PSD3: variants seen among roughly 807,000 people sequenced by gnomAD.
PSD3 encodes pleckstrin and Sec7 domain containing 3, also known as PH and SEC7 domain-containing protein 3.
PSD3 carries 49 observed loss-of-function variants against 105.5 expected under a neutral mutation model. That is an observed-to-expected ratio of 0.46 (90% CI 0.37 to 0.59). The LOEUF (loss-of-function observed/expected upper bound fraction) is 0.59, where lower values mean the gene tolerates loss of function less well. Ranked by LOEUF, PSD3 falls within the 20% of genes least tolerant of loss-of-function variation. PSD3 has a pLI of 0.00. For missense variants in PSD3, 1,561 were observed against 1,263.8 expected, an observed-to-expected ratio of 1.24 and a Z score of -3.57; for synonymous variants, 557 against 457.8, an observed-to-expected ratio of 1.22 and a Z score of -2.77.
chr8:18,549,940 T>C, intron 15 of PSD3, among the ~76,000 whole-genome samples: 1 of 152,222 alleles, frequency 6.6e-6, no homozygotes, highest in East Asian at 1.9e-4. Flanking sequence ...ATCTCATTTC[T>C]ATGACGAGGA....
At chr8:19,012,593 A>G (rs1308106282) in intron 1 of PSD3, among the ~76,000 whole-genome samples, 2 of 152,110 alleles carry the variant, frequency 1.3e-5, no homozygotes, top group African/African-American at 2.4e-5. Flanking sequence ...GAGATCCTCC[A>G]TGGTAGCCTA....
chr8:18,732,175 C>T (rs572634728), intron 9 of PSD3, among the ~76,000 whole-genome samples: 1 of 151,918 alleles, frequency 6.6e-6, no homozygotes. Context: ...CCTCCTCCCC[C>T]CCGAAAAAAA....
chr8:18,613,283 A>T (rs1805407789), intron 11 of PSD3, among the ~76,000 whole-genome samples: 1 of 152,080 alleles, frequency 6.6e-6, no homozygotes, highest in Non-Finnish European at 1.5e-5. Context: ...CTTTCTGAAT[A>T]ACGCCCATCT....
chr8:19,079,474 T>A (rs1002289269), intron 1 of PSD3, among the ~76,000 whole-genome samples: 1 of 152,212 alleles, frequency 6.6e-6, no homozygotes. Flanking sequence ...AGAATTAATA[T>A]AAAGACAGAA....
chr8:18,645,573 T>A (rs1195941555), intron 10 of PSD3, among the ~76,000 whole-genome samples: 1 of 152,218 alleles, frequency 6.6e-6, no homozygotes, highest in African/African-American at 2.4e-5. Flanking sequence ...TTATTCTTCG[T>A]ATAGATTGTC....
Position 18,804,845 on chromosome 8 carries a change from G to T in PSD3, c.1688C>A (p.Thr563Asn), listed in dbSNP as rs142032665. 1.2e-6 allele frequency: 2 copies of T among 1,613,358 alleles called. No homozygotes were observed. The highest frequency in any genetic ancestry group is 1.7e-6 in the Non-Finnish European group (2 of 1,179,498). ...RLEAHSEMGS[T>N]EILEKETPEN... Reference sequence around the variant, plus strand: ...TGGGGTCTCCTTTTCCAAAATTTCAGTGCTCCCCATTTCAGAATGAGCTTC... The same window carrying T: ...TGGGGTCTCCTTTTCCAAAATTTCATTGCTCCCCATTTCAGAATGAGCTTC... The change falls in exon 5 of 16, where the codon ACT becomes AAT. Residue 563 changes from threonine (T) to asparagine (N), a missense_variant. By Grantham distance (65) the Thr-to-Asn change is moderately conservative. Transcript: ENST00000327040.
intron 11 of PSD3, among the ~76,000 whole-genome samples, chr8:18,630,302 G>C (rs554938494): frequency 7.2e-5 from 11 of 152,038 alleles, no homozygotes; most frequent in African/African-American, 2.4e-4. Flanking sequence ...TTCTAGCCTG[G>C]TACAAGGTGT....
chr8:18,746,002 C>A (rs894859955), intron 9 of PSD3, among the ~76,000 whole-genome samples: 1 of 152,234 alleles, frequency 6.6e-6, no homozygotes, highest in African/African-American at 2.4e-5. Context: ...AGGTCCCCTG[C>A]AAAATCCTAC....
Position 18,949,250 on chromosome 8 carries a change from T to TAA in PSD3, c.22-13109_22-13108insTT, listed in dbSNP as rs1554550622. On this transcript the variant is annotated intron_variant, in intron 1 of 15. Coordinates refer to ENST00000327040, the MANE Select transcript of PSD3 (RefSeq NM_015310.4). ...AAAAAAAAAAAAAAAAAAAAATATA[T>TAA]ATATATATATATATATATATATATA... 1.5e-4 allele frequency among the ~76,000 whole-genome samples: 8 copies of TAA among 51,776 alleles called. 1 individual carries two copies. The highest frequency in any genetic ancestry group is 2.9e-4 in the Non-Finnish European group (8 of 27,344). 34.0% of individuals were successfully genotyped at this position (51,776 alleles called of 152,430 possible).
At chr8:18,991,355 CACACACACACACACACAT>C (rs757217085) in intron 1 of PSD3, among the ~76,000 whole-genome samples, 14,927 of 68,064 alleles carry the variant, frequency 0.22, 878 homozygotes, top group Non-Finnish European at 0.27. Flanking sequence ...CACACACATA[CACACACACACACACACAT>C]ACACACACAC....
chr8:18,953,836 A>G (rs1167967210), intron 1 of PSD3, among the ~76,000 whole-genome samples: 9 of 152,230 alleles, frequency 5.9e-5, no homozygotes, highest in Admixed American at 5.9e-4. Context: ...AAACTCGCAT[A>G]TACTGACATG....
chr8:18,694,464 G>C (rs1365834169), intron 9 of PSD3, among the ~76,000 whole-genome samples: 1 of 152,164 alleles, frequency 6.6e-6, no homozygotes, highest in African/African-American at 2.4e-5. Flanking sequence ...CAAAAAATTA[G>C]CCGGGCGTGG....
At chr8:19,003,854 T>A (rs1563501896) in intron 1 of PSD3, among the ~76,000 whole-genome samples, 1 of 151,948 alleles carries the variant, frequency 6.6e-6, no homozygotes. Flanking sequence ...TGGCGAGGGA[T>A]GTTTGTCAAC....
chr8:18,925,906 TA>T (rs1821331924), intron 2 of PSD3, among the ~76,000 whole-genome samples: 1 of 152,162 alleles, frequency 6.6e-6, no homozygotes, highest in South Asian at 2.1e-4. Flanking sequence ...CTTATCTTTT[TA>T]AAAAAATTTT....
chr8:18,695,786 T>C (rs1446208250), intron 9 of PSD3, among the ~76,000 whole-genome samples: 1 of 152,214 alleles, frequency 6.6e-6, no homozygotes, highest in Non-Finnish European at 1.5e-5. Context: ...GACTACACTC[T>C]AGAAAGACCA....
intron 12 of PSD3, among the ~76,000 whole-genome samples, chr8:18,586,240 G>A (rs925681729): frequency 6.6e-6 from 1 of 152,136 alleles, no homozygotes. Context: ...TAGTGAAAGA[G>A]GTTGAGCGAA....
chr8:18,703,442 C>T (rs1031326169), intron 9 of PSD3, among the ~76,000 whole-genome samples: 1 of 152,182 alleles, frequency 6.6e-6, no homozygotes, highest in Non-Finnish European at 1.5e-5. Flanking sequence ...TTCATTATCA[C>T]TAGGTGGTTG....
At chr8:18,906,945 T>C (rs976900746) in intron 2 of PSD3, among the ~76,000 whole-genome samples, 5 of 152,166 alleles carry the variant, frequency 3.3e-5, no homozygotes, top group African/African-American at 1.2e-4. Flanking sequence ...GTCTTCATTT[T>C]CAACAGAAAG....
chr8:18,849,181 G>T (rs1373215911), intron 4 of PSD3: 1 of 152,192 alleles, frequency 6.6e-6, no homozygotes, highest in African/African-American at 2.4e-5. Flanking sequence ...AGTAAAAAGT[G>T]CCAAGTCCTA....
Sources: allele counts gnomAD v4.1 joint callset (sites outside exome capture counted in the v4.1 genomes callset), GRCh38; gene constraint gnomAD v4.1.1; transcripts MANE v1.5; gene names NCBI Gene and HGNC (gene_info 2026-07-23, HGNC 2026-07-21).